BACH2: variants seen among roughly 807,000 people sequenced by gnomAD.
BACH2 encodes BACH transcriptional regulator 2.
In BACH2, 5 loss-of-function variants were observed where a neutral mutation model predicts 61.8. That is an observed-to-expected ratio of 0.08 (90% CI 0.04 to 0.17). The LOEUF is 0.17. Ranked by LOEUF, BACH2 falls within the 10% of genes least tolerant of loss-of-function variation. BACH2 has a pLI of 1.00. For missense variants in BACH2, 824 were observed against 1,091.1 expected, an observed-to-expected ratio of 0.76 and a Z score of 3.45; for synonymous variants, 446 against 440.1, an observed-to-expected ratio of 1.01 and a Z score of -0.17.
intron 5 of BACH2, among the ~76,000 whole-genome samples, chr6:90,009,759 G>T (rs1189251259): frequency 6.6e-6 from 1 of 152,168 alleles, no homozygotes; most frequent in Non-Finnish European, 1.5e-5. Flanking sequence ...CCACCTCCTG[G>T]GTTCAAGTGA....
intron 3 of BACH2, among the ~76,000 whole-genome samples, chr6:90,239,241 T>G (rs144669269): frequency 6.6e-6 from 1 of 152,218 alleles, no homozygotes; most frequent in Admixed American, 6.5e-5. Context: ...TCTTTGAAAT[T>G]AGGGTTGGCG....
At position 89,940,852 on chromosome 6, in the gene BACH2, GTT is replaced by G. The variant is rs11306386; in HGVS notation, c.1837-2504_1837-2503del. 8.2e-3 allele frequency among the ~76,000 whole-genome samples: 1,169 copies of G among 142,638 alleles called. 14 individuals are homozygous for G. Among genetic ancestry groups the G allele is most frequent in the African/African-American group, 0.025 (975 of 38,970 alleles). 93.6% of individuals were successfully genotyped at this position (142,638 alleles called of 152,430 possible). On this transcript the variant is annotated intron_variant, in intron 7 of 8. Transcript: ENST00000257749. The stretch of plus-strand genomic sequence containing the variant: ...ATAATTATTAATGAGATAGTTTACA[GTT>G]TTTTTTTTTTTTGTGCTAAACTTTC...
intron 6 of BACH2, among the ~76,000 whole-genome samples, chr6:89,964,042 T>G (rs752683467): frequency 3.3e-5 from 5 of 152,042 alleles, no homozygotes; most frequent in Non-Finnish European, 5.9e-5. Context: ...AATATCACAC[T>G]CTGGGGACTG....
At chr6:89,941,566 T>A (rs868770205) in intron 7 of BACH2, among the ~76,000 whole-genome samples, 73 of 152,312 alleles carry the variant, frequency 4.8e-4, no homozygotes, top group African/African-American at 1.7e-3. Context: ...GGGGCTGTGT[T>A]TGCACAGGGC....
intron 3 of BACH2, among the ~76,000 whole-genome samples, chr6:90,221,558 C>T (rs1290233032): frequency 6.6e-6 from 1 of 152,168 alleles, no homozygotes; most frequent in African/African-American, 2.4e-5. Flanking sequence ...TGCAGCCTTT[C>T]CCTTGAGGAG....
In BACH2 at chr6:90,052,490, G is replaced by A. The variant is rs899107049; in HGVS notation, c.-13+36471C>T. Among the ~76,000 whole-genome samples the A allele has an allele frequency of 2.0e-5, 3 of 152,018 alleles. No individual in the cohort carries two copies. The East Asian group carries it at 5.8e-4, about 29-fold the overall frequency. ...GCTGGAGTTCAGTGGCATGATCTTGGCTCACTGCAACCTCCGTCTCCTGGG... is the reference window on the plus strand; with the variant it reads ...GCTGGAGTTCAGTGGCATGATCTTGACTCACTGCAACCTCCGTCTCCTGGG... On this transcript the variant is annotated intron_variant, in intron 5 of 8. Coordinates refer to ENST00000257749, the MANE Select transcript of BACH2 (RefSeq NM_021813.4).
At chr6:90,007,892 GGAT>G (rs1197732916) in intron 6 of BACH2, among the ~76,000 whole-genome samples, 1 of 152,200 alleles carries the variant, frequency 6.6e-6, no homozygotes, top group African/African-American at 2.4e-5. Context: ...ACGGAAGTCA[GGAT>G]GATGAACCAA....
At chr6:90,041,445 T>A (rs921604335) in intron 5 of BACH2, among the ~76,000 whole-genome samples, 1 of 152,020 alleles carries the variant, frequency 6.6e-6, no homozygotes, top group Non-Finnish European at 1.5e-5. Flanking sequence ...TAAAGATCTA[T>A]TAATATGATA....
chr6:90,142,012 C>T (rs558023388), intron 4 of BACH2, among the ~76,000 whole-genome samples: 10 of 152,312 alleles, frequency 6.6e-5, no homozygotes, highest in South Asian at 6.2e-4. Flanking sequence ...CCCATGAGGT[C>T]GAGGTTATAA....
At chr6:89,938,821 A>T (rs574444091) in intron 7 of BACH2, among the ~76,000 whole-genome samples, 1 of 152,314 alleles carries the variant, frequency 6.6e-6, no homozygotes, top group African/African-American at 2.4e-5. Flanking sequence ...ATTCTTAGTT[A>T]CAATAGCATA....
At position 90,296,480 on chromosome 6, in the gene BACH2, C is replaced by G. The variant is rs1772396960; in HGVS notation, c.-446G>C. The G allele has an allele frequency of 1.3e-5, 2 of 151,342 alleles. No individual in the cohort carries two copies. The highest frequency in any genetic ancestry group is 3.0e-5 in the Non-Finnish European group (2 of 67,676). The allele number at this position is 151,342 out of a possible 1,614,324, so 9.4% of individuals were successfully genotyped here. A position where few individuals can be genotyped will look rare whatever the true frequency, so the allele number is the denominator to read the frequency against. On this transcript the variant is annotated splice_region_variant and 5_prime_UTR_variant, in exon 1 of 9. Transcript: ENST00000257749. ...CCGGGGCCCGGGGCCCGGGACTCAC[C>G]TCGCCGGAGAACTTTGCGTCCTTTT...
rs193006508 is a variant in BACH2 at position 90,140,098 on chromosome 6, C to T, written c.-161-50989G>A. 3.3e-5 allele frequency among the ~76,000 whole-genome samples: 5 copies of T among 152,298 alleles called. No individual in the cohort carries two copies. The East Asian group carries it at 9.6e-4, about 29-fold the overall frequency. On this transcript the variant is annotated intron_variant, in intron 4 of 8. Transcript: ENST00000257749. ...TCTAAAATGATGCTGGTGCTCCAGCCATCACACTCATGTTCCAAGGAACCC... is the reference window on the plus strand; with the variant it reads ...TCTAAAATGATGCTGGTGCTCCAGCTATCACACTCATGTTCCAAGGAACCC...
At chr6:89,966,847 C>T (rs938408303) in intron 6 of BACH2, among the ~76,000 whole-genome samples, 2 of 152,156 alleles carry the variant, frequency 1.3e-5, no homozygotes, top group Non-Finnish European at 2.9e-5. Context: ...GTTGCTGGGG[C>T]ATGAAGGCAG....
chr6:90,075,981 T>C (rs1235515341), intron 5 of BACH2, among the ~76,000 whole-genome samples: 2 of 152,054 alleles, frequency 1.3e-5, no homozygotes, highest in African/African-American at 2.4e-5. Flanking sequence ...GATCCAGAGA[T>C]GGTAAGAGAC....
At chr6:90,181,328 GGTGTGT>G (rs10593294) in intron 4 of BACH2, among the ~76,000 whole-genome samples, 10 of 148,428 alleles carry the variant, frequency 6.7e-5, no homozygotes, top group Non-Finnish European at 1.0e-4. Flanking sequence ...CCCACTGTGT[GGTGTGT>G]GTGTGTGTGT....
intron 5 of BACH2, among the ~76,000 whole-genome samples, chr6:90,012,140 C>T (rs1439841459): frequency 6.6e-6 from 1 of 152,030 alleles, no homozygotes; most frequent in African/African-American, 2.4e-5. Context: ...TTGATTTGCT[C>T]TTTTTCAAAG....
At chr6:89,994,078 C>T (rs1776722352) in intron 6 of BACH2, among the ~76,000 whole-genome samples, 1 of 152,186 alleles carries the variant, frequency 6.6e-6, no homozygotes, top group Non-Finnish European at 1.5e-5. Flanking sequence ...TACCAAAGCA[C>T]ACGCTTACAG....
intron 5 of BACH2, among the ~76,000 whole-genome samples, chr6:90,070,882 C>A (rs1781192483): frequency 6.6e-6 from 1 of 152,226 alleles, no homozygotes; most frequent in Non-Finnish European, 1.5e-5. Context: ...TCTGTTCCTT[C>A]AACCACTGGT....
At chr6:89,948,510 A>G (rs1773882458) in intron 7 of BACH2, among the ~76,000 whole-genome samples, 1 of 152,156 alleles carries the variant, frequency 6.6e-6, no homozygotes, top group African/African-American at 2.4e-5. Context: ...GCCCGGCCCC[A>G]GGCTCCTCTT....
Sources: allele counts gnomAD v4.1 joint callset (sites outside exome capture counted in the v4.1 genomes callset), GRCh38; gene constraint gnomAD v4.1.1; transcripts MANE v1.5; gene names NCBI Gene and HGNC (gene_info 2026-07-23, HGNC 2026-07-21).